The following TBC1D5 variants were observed in gnomAD, a reference collection of about 807,000 sequenced individuals.
TBC1D5 encodes TBC1 domain family member 5, also known as TBC1 domain family, member 5.
A neutral mutation model predicts 100.3 loss-of-function variants in TBC1D5; 75 were observed. The observed-to-expected ratio is 0.75, with a 90% CI of 0.62 to 0.91. The LOEUF is 0.91. Among genes scored for constraint, TBC1D5 ranks in the 40% least tolerant of loss-of-function variants. The pLI, the probability that TBC1D5 is intolerant of heterozygous loss-of-function variation, is 0.00. For synonymous variants in TBC1D5, 323 were observed against 325.6 expected, an observed-to-expected ratio of 0.99 and a Z score of 0.09; for missense variants, 910 against 942.4, an observed-to-expected ratio of 0.97 and a Z score of 0.45.
At chr3:17,650,816 A>T (rs2065477026) in intron 1 of TBC1D5, among the ~76,000 whole-genome samples, 1 of 152,222 alleles carries the variant, frequency 6.6e-6, no homozygotes, top group Non-Finnish European at 1.5e-5. Flanking sequence ...GAATGTACTA[A>T]AACAGTGACT....
intron 3 of TBC1D5, among the ~76,000 whole-genome samples, chr3:17,437,562 ATG>A (rs60714048): frequency 0.081 from 11,316 of 139,538 alleles, 927 homozygotes; most frequent in African/African-American, 0.22. Flanking sequence ...GGTAGTATGC[ATG>A]TGTGTGTGTG....
At chr3:17,505,772 C>G (rs761393760) in intron 3 of TBC1D5, among the ~76,000 whole-genome samples, 1 of 152,062 alleles carries the variant, frequency 6.6e-6, no homozygotes, top group South Asian at 2.1e-4. Flanking sequence ...AACTAAATTA[C>G]TAGTAACTTG....
chr3:17,424,066 G>C (rs780685410), intron 4 of TBC1D5, among the ~76,000 whole-genome samples: 48 of 151,944 alleles, frequency 3.2e-4, no homozygotes, highest in Admixed American at 1.5e-3. Flanking sequence ...GCATTACATT[G>C]GCTCAAAAAT....
At chr3:17,694,615 A>C (rs1388848434) in intron 1 of TBC1D5, among the ~76,000 whole-genome samples, 1 of 152,198 alleles carries the variant, frequency 6.6e-6, no homozygotes. Context: ...CCAAATCTAC[A>C]TTTGATTGGT....
At chr3:17,693,644 G>A (rs114500069) in intron 1 of TBC1D5, among the ~76,000 whole-genome samples, 1,528 of 152,356 alleles carry the variant, frequency 0.01, 28 homozygotes, top group African/African-American at 0.034. Context: ...CTCCACCTCC[G>A]TACACAGGCC....
At chr3:17,171,453 A>G (rs2067160910) in intron 19 of TBC1D5, among the ~76,000 whole-genome samples, 1 of 152,192 alleles carries the variant, frequency 6.6e-6, no homozygotes, top group African/African-American at 2.4e-5. Context: ...GTCTGAAATC[A>G]AGCTGTTGGC....
At chr3:17,284,590 A>T (rs1384456911) in intron 15 of TBC1D5, among the ~76,000 whole-genome samples, 1 of 152,226 alleles carries the variant, frequency 6.6e-6, no homozygotes, top group Non-Finnish European at 1.5e-5. Context: ...AAATTAATGA[A>T]TTCAAAATAC....
chr3:17,553,058 T>C (rs1391126533), intron 2 of TBC1D5, among the ~76,000 whole-genome samples: 2 of 152,162 alleles, frequency 1.3e-5, no homozygotes, highest in Non-Finnish European at 2.9e-5. Context: ...GACTACATGA[T>C]AGGTGTTTAC....
chr3:17,620,197 A>G (rs1376436450), intron 2 of TBC1D5, among the ~76,000 whole-genome samples: 2 of 152,214 alleles, frequency 1.3e-5, no homozygotes, highest in Non-Finnish European at 2.9e-5. Flanking sequence ...GGAGTGTAAT[A>G]GCTCACTGCA....
chr3:17,642,258 G>A (rs1429948328), intron 1 of TBC1D5, among the ~76,000 whole-genome samples: 2 of 152,030 alleles, frequency 1.3e-5, no homozygotes, highest in Non-Finnish European at 2.9e-5. Flanking sequence ...ACCTCCAGGA[G>A]GCACCATTCA....
chr3:17,388,676 C>T (rs184230094), intron 8 of TBC1D5, among the ~76,000 whole-genome samples: 88 of 132,630 alleles, frequency 6.6e-4, no homozygotes, highest in African/African-American at 2.5e-3. Context: ...TAGCGAGACC[C>T]TGCCTTTACA....
chr3:17,466,247 G>T (rs1406073412), intron 3 of TBC1D5, among the ~76,000 whole-genome samples: 1 of 152,188 alleles, frequency 6.6e-6, no homozygotes, highest in Non-Finnish European at 1.5e-5. Flanking sequence ...CTACTGCCTT[G>T]ACATAACCGT....
At chr3:17,653,026 G>A (rs558907718) in intron 1 of TBC1D5, among the ~76,000 whole-genome samples, 1 of 152,248 alleles carries the variant, frequency 6.6e-6, no homozygotes, top group East Asian at 1.9e-4. Context: ...TAAAAACACT[G>A]CTAAGTGAAC....
intron 1 of TBC1D5, among the ~76,000 whole-genome samples, chr3:17,676,987 A>G (rs1267831647): frequency 1.3e-5 from 2 of 152,182 alleles, no homozygotes; most frequent in African/African-American, 4.8e-5. Flanking sequence ...CTTACACCTT[A>G]TACAAAAATT....
chr3:17,330,956 C>T (rs2086790743), intron 13 of TBC1D5, among the ~76,000 whole-genome samples: 1 of 152,164 alleles, frequency 6.6e-6, no homozygotes, highest in African/African-American at 2.4e-5. Context: ...TGGTTTTAAG[C>T]TTTCTGATCC....
chr3:17,564,367 T>C (rs74450778), intron 2 of TBC1D5, among the ~76,000 whole-genome samples: 11,176 of 152,286 alleles, frequency 0.073, 837 homozygotes, highest in African/African-American at 0.19. Context: ...GCATTTATTA[T>C]GCATCTACTA....
chr3:17,539,580 G>A (rs192388710), intron 2 of TBC1D5, among the ~76,000 whole-genome samples: 10 of 152,230 alleles, frequency 6.6e-5, no homozygotes, highest in East Asian at 1.9e-4. Context: ...ACAAAAAGTC[G>A]TAAGATCTCT....
chr3:17,312,538 AC>A (rs1371128793), intron 13 of TBC1D5, among the ~76,000 whole-genome samples: 9 of 152,152 alleles, frequency 5.9e-5, no homozygotes, highest in African/African-American at 2.2e-4. Context: ...CATGGATTGA[AC>A]CCAGCTTGAA....
At chr3:17,330,990 T>A (rs190716598) in intron 13 of TBC1D5, among the ~76,000 whole-genome samples, 3 of 152,256 alleles carry the variant, frequency 2.0e-5, no homozygotes, top group Admixed American at 2.0e-4. Context: ...CCATTCTCAT[T>A]CTAGTCCAGG....
Sources: gnomAD v4.1 joint callset for allele counts (sites outside exome capture counted in the v4.1 genomes callset) on GRCh38, gnomAD v4.1.1 for gene constraint, MANE v1.5 for transcripts, NCBI Gene and HGNC (gene_info 2026-07-23, HGNC 2026-07-21) for gene names.